The following GABRG3 variants were observed in gnomAD, a reference collection of about 807,000 sequenced individuals.
GABRG3 encodes the protein gamma-aminobutyric acid receptor subunit gamma-3.
Under a neutral mutation model 48.8 loss-of-function variants are expected in GABRG3, and 25 were observed. The observed-to-expected ratio is 0.51, with a 90% CI of 0.37 to 0.72. The LOEUF is 0.72. GABRG3 is among the 30% of genes least tolerant of loss of function. The pLI is 0.00. For missense variants in GABRG3, 394 were observed against 577.9 expected, an observed-to-expected ratio of 0.68 and a Z score of 3.26; for synonymous variants, 227 against 217.6, an observed-to-expected ratio of 1.04 and a Z score of -0.38.
intron 3 of GABRG3, among the ~76,000 whole-genome samples, chr15:27,167,533 A>C (rs529793735): frequency 6.6e-6 from 1 of 152,290 alleles, no homozygotes; most frequent in East Asian, 1.9e-4. Flanking sequence ...TAGTTAACAG[A>C]GGCTAAAACT....
chr15:27,504,519 T>C (rs149314993), intron 6 of GABRG3, among the ~76,000 whole-genome samples: 233 of 152,322 alleles, frequency 1.5e-3, no homozygotes, highest in African/African-American at 5.3e-3. Context: ...TTCCCAAACT[T>C]TGTGCTATTG....
intron 3 of GABRG3, among the ~76,000 whole-genome samples, chr15:27,054,708 A>G (rs1480469776): frequency 1.3e-5 from 2 of 152,208 alleles, no homozygotes; most frequent in Non-Finnish European, 2.9e-5. Flanking sequence ...ACGGTGCTTC[A>G]AAAGCAGCTA....
chr15:27,353,909 C>T (rs1023693849), intron 5 of GABRG3, among the ~76,000 whole-genome samples: 3 of 152,178 alleles, frequency 2.0e-5, no homozygotes, highest in Non-Finnish European at 4.4e-5. Flanking sequence ...ATTGCCTCTC[C>T]CACCCCATGG....
intron 5 of GABRG3, among the ~76,000 whole-genome samples, chr15:27,389,746 G>T (rs1306407074): frequency 1.3e-5 from 2 of 152,158 alleles, no homozygotes. Flanking sequence ...CTTATATTTG[G>T]TAAAATGCTT....
At chr15:27,257,785 A>G (rs989233700) in intron 3 of GABRG3, among the ~76,000 whole-genome samples, 1 of 150,760 alleles carries the variant, frequency 6.6e-6, no homozygotes, top group Non-Finnish European at 1.5e-5. Flanking sequence ...AGTAGCTGGG[A>G]CTATGTGCAT....
chr15:27,076,749 G>A (rs1896917378), intron 3 of GABRG3, among the ~76,000 whole-genome samples: 1 of 152,146 alleles, frequency 6.6e-6, no homozygotes, highest in African/African-American at 2.4e-5. Context: ...GAGTGACACT[G>A]CCACAAGTCA....
At chr15:26,996,954 T>C (rs930685004) in intron 2 of GABRG3, among the ~76,000 whole-genome samples, 3 of 152,142 alleles carry the variant, frequency 2.0e-5, no homozygotes, top group Non-Finnish European at 4.4e-5. Context: ...GCCCGGCCTA[T>C]ACTGGTGTAT....
intron 5 of GABRG3, among the ~76,000 whole-genome samples, chr15:27,391,087 C>CA (rs754876404): frequency 0.014 from 1,905 of 132,738 alleles, 21 homozygotes; most frequent in African/African-American, 0.039. Flanking sequence ...GACTCCATCT[C>CA]AAAAAAAAAA....
intron 5 of GABRG3, among the ~76,000 whole-genome samples, chr15:27,389,140 T>G (rs1340110486): frequency 6.6e-6 from 1 of 151,958 alleles, no homozygotes; most frequent in Non-Finnish European, 1.5e-5. Flanking sequence ...AAATGGGAAA[T>G]TTACACACAA....
intron 6 of GABRG3, among the ~76,000 whole-genome samples, chr15:27,490,531 C>A (rs1307705867): frequency 6.6e-6 from 1 of 152,178 alleles, no homozygotes; most frequent in Admixed American, 6.5e-5. Context: ...GATAACGAAG[C>A]TTTTGCCAGC....
intron 3 of GABRG3, among the ~76,000 whole-genome samples, chr15:27,142,482 AC>A (rs1566945861): frequency 6.6e-6 from 1 of 152,166 alleles, no homozygotes; most frequent in Non-Finnish European, 1.5e-5. Context: ...CTTATTCACT[AC>A]CATGAAAACA....
At chr15:27,049,599 C>T (rs1253837783) in intron 3 of GABRG3, among the ~76,000 whole-genome samples, 1 of 152,154 alleles carries the variant, frequency 6.6e-6, no homozygotes, top group Admixed American at 6.5e-5. Flanking sequence ...ATGCTCCCTC[C>T]CAAGTACTGA....
At chr15:27,129,890 G>GGTT (rs553770521) in intron 3 of GABRG3, among the ~76,000 whole-genome samples, 48 of 151,896 alleles carry the variant, frequency 3.2e-4, no homozygotes, top group African/African-American at 1.0e-3. Context: ...GTTTAAATCA[G>GGTT]GTTGTTGTTG....
intron 5 of GABRG3, among the ~76,000 whole-genome samples, chr15:27,336,031 A>G (rs1893952066): frequency 6.6e-6 from 1 of 151,918 alleles, no homozygotes; most frequent in Non-Finnish European, 1.5e-5. Context: ...CTACTAACAA[A>G]CAAACAAATT....
chr15:27,356,710 A>G (rs1230537043), intron 5 of GABRG3, among the ~76,000 whole-genome samples: 1 of 152,246 alleles, frequency 6.6e-6, no homozygotes, highest in African/African-American at 2.4e-5. Flanking sequence ...AACAGTCAAC[A>G]GTCAGAAATG....
intron 5 of GABRG3, among the ~76,000 whole-genome samples, chr15:27,473,174 C>G (rs546094534): frequency 6.6e-6 from 1 of 152,252 alleles, no homozygotes; most frequent in South Asian, 2.1e-4. Flanking sequence ...TCTGGGCTGG[C>G]TGAAATGGCA....
rs183137417 is a variant in GABRG3, at chr15:27,457,640, G to A, written c.575-23010G>A. 3.3e-3 allele frequency among the ~76,000 whole-genome samples: 507 copies of A among 152,258 alleles called. 1 individual carries two copies. The highest frequency in any genetic ancestry group is 0.011 in the African/African-American group (465 of 41,552). ...GTACCAGCCCTGCCCTCTCTAGGAC[G>A]GGCTGCCTCCTTGGAGTCTGCAGCC... is the stretch of plus-strand genomic sequence containing the variant. On this transcript the variant is annotated intron_variant, in intron 5 of 9. Transcript: ENST00000615808. The surrounding 1 kb of genome is among the most constrained non-coding windows in gnomAD (Gnocchi z 4.4).
chr15:27,128,287 T>C, intron 3 of GABRG3, among the ~76,000 whole-genome samples: 1 of 152,188 alleles, frequency 6.6e-6, no homozygotes. Flanking sequence ...TGGTGCTGTG[T>C]GTTGTGTGTC....
chr15:27,386,222 C>T (rs1222625560), intron 5 of GABRG3, among the ~76,000 whole-genome samples: 1 of 152,084 alleles, frequency 6.6e-6, no homozygotes, highest in Non-Finnish European at 1.5e-5. Flanking sequence ...TTAGTCACAG[C>T]TTGTCTTTAA....
Sources: allele counts gnomAD v4.1 joint callset (sites outside exome capture counted in the v4.1 genomes callset), GRCh38; gene constraint gnomAD v4.1.1; non-coding constraint Gnocchi (gnomAD v3.1); transcripts MANE v1.5; gene names NCBI Gene and HGNC (gene_info 2026-07-23, HGNC 2026-07-21).